Variants in BLZF1 observed in about 807,000 individuals in gnomAD.
The protein encoded by BLZF1 is basic leucine zipper nuclear factor 1, also known as golgin-45.
A neutral mutation model predicts 43.8 loss-of-function variants in BLZF1; 39 were observed. The ratio of observed to expected loss-of-function variants is 0.89; its 90% CI spans 0.69 to 1.16. BLZF1 has a LOEUF of 1.16. Ranked by LOEUF, BLZF1 falls within the 50% of genes most tolerant of loss-of-function variation. BLZF1 has a pLI of 0.00. For synonymous variants in BLZF1, 136 were observed against 159.4 expected (o/e 0.85, Z 1.11); for missense variants, 449 against 469.8 (o/e 0.96, Z 0.41).
chr1:169,386,093 A>T (rs1262549262), intron 6 of BLZF1, among the ~76,000 whole-genome samples: 2 of 152,192 alleles, frequency 1.3e-5, no homozygotes, highest in Non-Finnish European at 2.9e-5. Flanking sequence ...TCAGCTCAAG[A>T]GTTCCTGTTT....
intron 2 of BLZF1, among the ~76,000 whole-genome samples, chr1:169,370,308 T>TG (rs1170734559): frequency 1.3e-5 from 2 of 152,190 alleles, no homozygotes; most frequent in Non-Finnish European, 2.9e-5. Context: ...TCTGAGGTAG[T>TG]GGGGGGTTAG....
intron 2 of BLZF1, among the ~76,000 whole-genome samples, chr1:169,376,286 A>G (rs183837694): frequency 5.5e-4 from 84 of 152,250 alleles, no homozygotes; most frequent in African/African-American, 1.9e-3. Context: ...AGATTAAATT[A>G]TTTACCCAGG....
At chr1:169,380,448 C>T (rs1159468441) in intron 4 of BLZF1, 33 bp from the exon 5 acceptor site, 1 of 1,595,002 alleles carries the variant, frequency 6.3e-7, no homozygotes, top group African/African-American at 1.3e-5. Context: ...TTATTGTCAG[C>T]AAATTTATAT....
chr1:169,382,303 T>C (rs760505274), intron 6 of BLZF1, 22 bp downstream of exon 6: 1 of 1,594,824 alleles, frequency 6.3e-7, no homozygotes, highest in South Asian at 1.1e-5. Context: ...TCTTTTGTGA[T>C]CTATGGAACT....
At chr1:169,381,325 G>A (rs1253281249) in intron 5 of BLZF1, among the ~76,000 whole-genome samples, 1 of 151,878 alleles carries the variant, frequency 6.6e-6, no homozygotes, top group Admixed American at 6.6e-5. Context: ...ACTACCAAAG[G>A]TTACTCAAGA....
rs1273287675 is a variant in BLZF1, at chr1:169,380,761, G to C, written c.797+152G>C. 3 of 817,318 alleles carry C rather than the reference G, an allele frequency of 3.7e-6. No individual in the cohort carries two copies. In the African/African-American group the frequency reaches 5.2e-5, roughly 14 times the overall value. 50.6% of individuals were successfully genotyped at this position (817,318 alleles called of 1,614,324 possible). ...ATACTTTTAGTAGCATTTTAAAATA[G>C]ATGCTCTGGGAGGGAAGAGGACTGA... On this transcript the variant is annotated intron_variant, in intron 5 of 6. Coordinates refer to ENST00000367808, the MANE Select transcript of BLZF1 (RefSeq NM_001320973.2).
chr1:169,394,386 G>T (rs1465511944), intron 7 of BLZF1, among the ~76,000 whole-genome samples: 1 of 152,124 alleles, frequency 6.6e-6, no homozygotes, highest in Non-Finnish European at 1.5e-5. Context: ...TGGGTATGTT[G>T]CATGTTGCTG....
At chr1:169,391,356 GT>G (rs746743326), downstream of BLZF1, among the ~76,000 whole-genome samples, 1 of 152,162 alleles carries the variant, frequency 6.6e-6, no homozygotes, top group Non-Finnish European at 1.5e-5. Flanking sequence ...CTTCAAGGGG[GT>G]CCCTGGGAAA....
chr1:169,382,973 G>A (rs1217074291), intron 6 of BLZF1, among the ~76,000 whole-genome samples: 1 of 151,698 alleles, frequency 6.6e-6, no homozygotes, highest in Non-Finnish European at 1.5e-5. Context: ...TATTCCCTTG[G>A]TCCCTATATT....
Position 169,376,704 on chromosome 1 carries a change from C to G in BLZF1, c.193C>G (p.Leu65Val). ...ATCAGAGAGCCCAGGAGTTCTTCAG[C>G]TAGGGAAAATGCTCACTGAAAAAGC... ...VPSESPGVLQ[L>V]GKMLTEKAME... Residue 65 changes from leucine to valine, a missense_variant, in exon 3 of 7, where the codon CTA becomes GTA. Coordinates refer to ENST00000367808, the MANE Select transcript of BLZF1 (RefSeq NM_001320973.2). The G allele has an allele frequency of 6.2e-7, 1 of 1,613,296 alleles. No individual in the cohort carries two copies. The highest frequency in any genetic ancestry group is 8.5e-7 in the Non-Finnish European group (1 of 1,179,584).
rs887002273 is a variant in BLZF1, at chr1:169,395,481, T to C, written c.*28-413T>C. Among the ~76,000 whole-genome samples the C allele has an allele frequency of 2.4e-4, 36 of 152,234 alleles. 1 individual carries two copies. The highest frequency in any genetic ancestry group is 1.3e-4 in the Admixed American group (2 of 15,284). ...TTTTTTAATAATAAACACTATTTTA[T>C]GTGTGCTGTAGATCCTATTCTTTTT... On this transcript the variant is annotated intron_variant, in intron 7 of 7. Transcript: ENST00000329281.
intron 7 of BLZF1, chr1:169,394,953 C>T: frequency 9.0e-7 from 1 of 1,109,476 alleles, no homozygotes; most frequent in Non-Finnish European, 1.2e-6. Flanking sequence ...ATACCATTTC[C>T]ATAATTTAGA....
chr1:169,382,930 A>C (rs1207552243), intron 6 of BLZF1, among the ~76,000 whole-genome samples: 1 of 152,138 alleles, frequency 6.6e-6, no homozygotes, highest in Non-Finnish European at 1.5e-5. Context: ...GACTCCCTGG[A>C]TGTGAACACA....
At chr1:169,382,022 C>T in intron 5 of BLZF1, 40 bp from the exon 6 acceptor site, 1 of 1,454,446 alleles carries the variant, frequency 6.9e-7, no homozygotes, top group Non-Finnish European at 9.4e-7. Context: ...TTACATTTTG[C>T]TCTCTTACTA....
downstream of BLZF1, among the ~76,000 whole-genome samples, chr1:169,389,748 A>T (rs544808480): frequency 2.0e-5 from 3 of 152,258 alleles, no homozygotes; most frequent in African/African-American, 7.2e-5. Context: ...TGGTATATAC[A>T]TGTGAAGAAA....
chr1:169,391,295 C>T (rs1326183656), downstream of BLZF1, among the ~76,000 whole-genome samples: 1 of 152,192 alleles, frequency 6.6e-6, no homozygotes, highest in East Asian at 1.9e-4. Context: ...CTCCTGATCT[C>T]CATTCTAACC....
intron 2 of BLZF1, among the ~76,000 whole-genome samples, chr1:169,371,945 A>T (rs1361037635): frequency 6.6e-6 from 1 of 152,200 alleles, no homozygotes; most frequent in Non-Finnish European, 1.5e-5. Flanking sequence ...TAAATGCTGT[A>T]TTAAAAGAGA....
intron 2 of BLZF1, among the ~76,000 whole-genome samples, chr1:169,370,130 G>A (rs1235337349): frequency 6.6e-6 from 1 of 152,092 alleles, no homozygotes; most frequent in Non-Finnish European, 1.5e-5. Flanking sequence ...CCTTATCTCC[G>A]CCTTCATATT....
intron 3 of BLZF1, chr1:169,377,345 G>T (rs546107621): frequency 1.0e-4 from 23 of 224,734 alleles, no homozygotes; most frequent in African/African-American, 5.2e-4. Context: ...TTTTGCTTGT[G>T]TATACGGGAT....
Sources: allele counts gnomAD v4.1 joint callset (sites outside exome capture counted in the v4.1 genomes callset), GRCh38; gene constraint gnomAD v4.1.1; transcripts MANE v1.5; gene names NCBI Gene and HGNC (gene_info 2026-07-23, HGNC 2026-07-21).